LRMDA: variants seen among roughly 807,000 people sequenced by gnomAD.
LRMDA encodes leucine rich melanocyte differentiation associated.
Under a neutral mutation model 29.8 loss-of-function variants are expected in LRMDA, and 18 were observed. The ratio of observed to expected loss-of-function variants is 0.60; its 90% CI spans 0.42 to 0.90. The LOEUF (loss-of-function observed/expected upper bound fraction) is 0.90, where lower values mean the gene tolerates loss of function less well. Among genes scored for constraint, LRMDA ranks in the 40% least tolerant of loss-of-function variants. LRMDA has a pLI of 0.00. For missense variants in LRMDA, 273 were observed against 273.9 expected (o/e 1.00, Z 0.02); for synonymous variants, 125 against 109.4 (o/e 1.14, Z -0.89).
At chr10:76,049,754 T>A (rs1005112155) in intron 4 of LRMDA, among the ~76,000 whole-genome samples, 4 of 152,202 alleles carry the variant, frequency 2.6e-5, no homozygotes, top group Non-Finnish European at 1.5e-5. Context: ...CAGCTGCCTT[T>A]TTTTTCTTTT....
At chr10:75,495,671 G>A (rs1482030629) in intron 2 of LRMDA, among the ~76,000 whole-genome samples, 2 of 152,126 alleles carry the variant, frequency 1.3e-5, no homozygotes, top group African/African-American at 4.8e-5. Flanking sequence ...CCACTTATGG[G>A]GATGAATACA....
chr10:75,694,148 G>A (rs186740970), intron 2 of LRMDA, among the ~76,000 whole-genome samples: 1 of 152,316 alleles, frequency 6.6e-6, no homozygotes, highest in East Asian at 1.9e-4. Context: ...TGTTTGCTTG[G>A]CTCAGTGTGC....
At chr10:75,875,663 C>T (rs1214771799) in intron 2 of LRMDA, among the ~76,000 whole-genome samples, 2 of 152,190 alleles carry the variant, frequency 1.3e-5, no homozygotes, top group Admixed American at 6.5e-5. Flanking sequence ...AACTCCTGAC[C>T]TCAGGTGATC....
chr10:75,717,907 T>G (rs1332263286), intron 2 of LRMDA, among the ~76,000 whole-genome samples: 1 of 152,176 alleles, frequency 6.6e-6, no homozygotes, highest in African/African-American at 2.4e-5. Context: ...CCCTACTTAT[T>G]GGACATAACA....
At chr10:75,765,945 T>C (rs773364267) in intron 2 of LRMDA, among the ~76,000 whole-genome samples, 5 of 152,030 alleles carry the variant, frequency 3.3e-5, no homozygotes, top group Non-Finnish European at 7.4e-5. Flanking sequence ...TGCAATCAGA[T>C]AGACAGGAGG....
chr10:76,325,392 A>G (rs900271418), intron 6 of LRMDA, among the ~76,000 whole-genome samples: 6 of 152,232 alleles, frequency 3.9e-5, no homozygotes, highest in South Asian at 2.1e-4. Flanking sequence ...TTGGGCATCA[A>G]TAGAACTTTT....
At chr10:75,540,640 C>G (rs975503258) in intron 2 of LRMDA, among the ~76,000 whole-genome samples, 1 of 152,190 alleles carries the variant, frequency 6.6e-6, no homozygotes, top group Non-Finnish European at 1.5e-5. Flanking sequence ...AACTTTCACT[C>G]CCCCAGACTG....
chr10:75,951,281 C>G (rs932692467), intron 2 of LRMDA, among the ~76,000 whole-genome samples: 1 of 152,074 alleles, frequency 6.6e-6, no homozygotes, highest in African/African-American at 2.4e-5. Context: ...CAGAGCTAAG[C>G]GAGTGGTGGT....
intron 2 of LRMDA, among the ~76,000 whole-genome samples, chr10:75,615,287 G>A (rs1589135935): frequency 6.6e-6 from 1 of 152,130 alleles, no homozygotes; most frequent in Admixed American, 6.5e-5. Context: ...CCACATACAG[G>A]TTGAGTAGCC....
intron 6 of LRMDA, among the ~76,000 whole-genome samples, chr10:76,397,451 C>T (rs1841798214): frequency 6.6e-6 from 1 of 152,218 alleles, no homozygotes; most frequent in Non-Finnish European, 1.5e-5. Context: ...AATTTCCTAA[C>T]TTTGTGGGGG....
chr10:76,530,224 A>G (rs1189747098), intron 6 of LRMDA, among the ~76,000 whole-genome samples: 1 of 152,162 alleles, frequency 6.6e-6, no homozygotes, highest in East Asian at 1.9e-4. Context: ...AGTTATTTTT[A>G]AGACTACTCT....
intron 2 of LRMDA, among the ~76,000 whole-genome samples, chr10:75,819,444 G>T (rs1264420388): frequency 6.6e-6 from 1 of 152,176 alleles, no homozygotes; most frequent in Non-Finnish European, 1.5e-5. Flanking sequence ...CAAAATTCAA[G>T]CAATGAAAAT....
At chr10:76,522,785 G>A (rs1222723816) in intron 6 of LRMDA, among the ~76,000 whole-genome samples, 1 of 152,150 alleles carries the variant, frequency 6.6e-6, no homozygotes, top group Non-Finnish European at 1.5e-5. Context: ...TCTGGTGCGG[G>A]CAACTCCTGG....
chr10:75,651,956 C>T (rs1259505062), intron 2 of LRMDA, among the ~76,000 whole-genome samples: 1 of 152,200 alleles, frequency 6.6e-6, no homozygotes, highest in African/African-American at 2.4e-5. Context: ...ACCCCACTCT[C>T]AAGAGCACCT....
intron 2 of LRMDA, among the ~76,000 whole-genome samples, chr10:75,632,766 T>C (rs1564526931): frequency 6.6e-6 from 1 of 151,134 alleles, no homozygotes; most frequent in African/African-American, 2.4e-5. Context: ...TTAGTTTTTT[T>C]GTTTAGTTTA....
At chr10:75,447,004 G>A (rs533386496) in intron 2 of LRMDA, among the ~76,000 whole-genome samples, 1 of 152,356 alleles carries the variant, frequency 6.6e-6, no homozygotes, top group South Asian at 2.1e-4. Context: ...TGATATTGGG[G>A]TAGGGGAGGC....
chr10:75,479,089 G>A (rs1844828713), intron 2 of LRMDA, among the ~76,000 whole-genome samples: 1 of 152,140 alleles, frequency 6.6e-6, no homozygotes, highest in Admixed American at 6.5e-5. Context: ...GCTCCTTCCT[G>A]CAACAGAAAA....
intron 2 of LRMDA, among the ~76,000 whole-genome samples, chr10:75,845,804 G>T (rs1054491078): frequency 1.3e-5 from 2 of 152,156 alleles, no homozygotes; most frequent in Admixed American, 6.5e-5. Flanking sequence ...ACAGGAAAGG[G>T]CCCTCTGCGT....
At chr10:76,356,682 C>T (rs891036192) in intron 6 of LRMDA, among the ~76,000 whole-genome samples, 21 of 152,174 alleles carry the variant, frequency 1.4e-4, no homozygotes, top group African/African-American at 4.6e-4. Context: ...GCGTGTACAT[C>T]TGTTGATATG....
Sources: allele counts gnomAD v4.1 joint callset (sites outside exome capture counted in the v4.1 genomes callset), GRCh38; gene constraint gnomAD v4.1.1; transcripts MANE v1.5; gene names NCBI Gene and HGNC (gene_info 2026-07-23, HGNC 2026-07-21).